Variants in XPR1 observed in about 807,000 individuals in gnomAD.
XPR1 encodes the protein solute carrier family 53 member 1.
A neutral mutation model predicts 87.5 loss-of-function variants in XPR1; 28 were observed. That is an observed-to-expected ratio of 0.32 (90% CI 0.24 to 0.44). XPR1 has a LOEUF of 0.44. Among genes scored for constraint, XPR1 ranks in the 20% least tolerant of loss-of-function variants. XPR1 has a pLI of 1.00. For synonymous variants in XPR1, 300 were observed against 306.1 expected (o/e 0.98, Z 0.21); for missense variants, 559 against 862.3 (o/e 0.65, Z 4.41).
chr1:180,686,199 C>T (rs996798626), intron 2 of XPR1, among the ~76,000 whole-genome samples: 8 of 151,996 alleles, frequency 5.3e-5, no homozygotes, highest in South Asian at 2.1e-4. Flanking sequence ...TTTGTTCTCG[C>T]TGGTTTCAAA....
rs376521406 is a variant in XPR1 at position 180,885,690 on chromosome 1, A to G, written c.*1624A>G. The G allele has an allele frequency of 2.2e-4, 34 of 152,224 alleles. No homozygotes were observed. Among genetic ancestry groups the G allele is most frequent in the Admixed American group, 1.0e-3 (16 of 15,288 alleles). 9.4% of individuals were successfully genotyped at this position (152,224 alleles called of 1,614,324 possible). A position where few individuals can be genotyped will look rare whatever the true frequency, so the allele number is the denominator to read the frequency against. ...GATTCATGAAAGTAAATTTAGTCCTATAATTTTCAGCTTAATTATAAACAA... is the reference window on the plus strand; with the variant it reads ...GATTCATGAAAGTAAATTTAGTCCTGTAATTTTCAGCTTAATTATAAACAA... On this transcript the variant is annotated 3_prime_UTR_variant, in exon 15 of 15. Transcript: ENST00000367590.
chr1:180,842,733 GTTCT>G (rs1329491371), intron 11 of XPR1, among the ~76,000 whole-genome samples: 6 of 152,030 alleles, frequency 3.9e-5, no homozygotes, highest in Admixed American at 3.3e-4. Context: ...CCATTATGTT[GTTCT>G]TTCTAAGTGG....
At chr1:180,770,451 C>T (rs185384153) in intron 2 of XPR1, among the ~76,000 whole-genome samples, 5 of 152,110 alleles carry the variant, frequency 3.3e-5, no homozygotes, top group African/African-American at 1.2e-4. Flanking sequence ...TCTATCCCCA[C>T]GGCCTCATCC....
intron 2 of XPR1, among the ~76,000 whole-genome samples, chr1:180,746,229 G>A (rs1237126923): frequency 6.6e-6 from 1 of 152,058 alleles, no homozygotes; most frequent in Admixed American, 6.6e-5. Flanking sequence ...CCTGAGTAGT[G>A]TGCATTTTAC....
At chr1:180,846,792 T>C (rs757859209) in intron 11 of XPR1, among the ~76,000 whole-genome samples, 5 of 151,926 alleles carry the variant, frequency 3.3e-5, no homozygotes, top group African/African-American at 4.8e-5. Context: ...AGATACGGTT[T>C]TCATGAAAAT....
rs566714513 is a variant in XPR1 at position 180,696,796 on chromosome 1, T to C, written c.121+14385T>C. 4.4e-4 allele frequency among the ~76,000 whole-genome samples: 67 copies of C among 152,306 alleles called. 2 individuals are homozygous for C. In the South Asian group the frequency reaches 0.013, roughly 30 times the overall value. On this transcript the variant is annotated intron_variant, in intron 2 of 14. Transcript: ENST00000367590. ...GATGTGATATTTCACATTTATTGAT[T>C]TGTGTATGTTGAGCCATCCTTGCAT... is the stretch of plus-strand genomic sequence containing the variant.
Position 180,762,904 on chromosome 1 carries a change from T to C in XPR1, c.122-24849T>C, listed in dbSNP as rs1395385444. On this transcript the variant is annotated intron_variant, in intron 2 of 14. Coordinates refer to ENST00000367590, the MANE Select transcript of XPR1 (RefSeq NM_004736.4). ...GCATCTTTACACTTTTTTTAAAGAA[T>C]GAATTTCTTGCCAGTCTATTCTTAT... is the stretch of plus-strand genomic sequence containing the variant. 5.3e-5 allele frequency among the ~76,000 whole-genome samples: 8 copies of C among 152,164 alleles called. No homozygotes were observed. The East Asian group carries it at 1.5e-3, about 29-fold the overall frequency.
At chr1:180,694,297 A>G (rs1350978473) in intron 2 of XPR1, among the ~76,000 whole-genome samples, 1 of 152,128 alleles carries the variant, frequency 6.6e-6, no homozygotes, top group Non-Finnish European at 1.5e-5. Context: ...AAATATTATA[A>G]TGTTCTTCAA....
chr1:180,735,347 A>C (rs1571780612), intron 2 of XPR1, among the ~76,000 whole-genome samples: 1 of 152,348 alleles, frequency 6.6e-6, no homozygotes, highest in East Asian at 1.9e-4. Flanking sequence ...TAAATAATTA[A>C]TTCCATGAAA....
At position 180,680,357 on chromosome 1, in the gene XPR1, C is replaced by CTTTTTTTT. The variant is rs369905770; in HGVS notation, c.70-1985_70-1978dup. 1.0e-3 allele frequency among the ~76,000 whole-genome samples: 84 copies of CTTTTTTTT among 83,388 alleles called. 1 individual carries two copies. The highest frequency in any genetic ancestry group is 1.4e-3 in the Admixed American group (7 of 5,182). 54.7% of individuals were successfully genotyped at this position (83,388 alleles called of 152,430 possible). A position where few individuals can be genotyped will look rare whatever the true frequency, so the allele number is the denominator to read the frequency against. On this transcript the variant is annotated intron_variant, in intron 1 of 14. Transcript: ENST00000367590. ...TTCCTCAAATAACTACAAATAGAAC[C>CTTTTTTTT]TTTTTTTTTTTTTTTTTTTTTTTTT...
At chr1:180,757,984 A>G (rs1037532412) in intron 2 of XPR1, among the ~76,000 whole-genome samples, 3 of 151,034 alleles carry the variant, frequency 2.0e-5, no homozygotes, top group African/African-American at 7.3e-5. Context: ...AAGCCCAGCT[A>G]TTGGAGAAAC....
At chr1:180,803,762 C>T in intron 4 of XPR1, 151 bp downstream of exon 4, 1 of 663,040 alleles carries the variant, frequency 1.5e-6, no homozygotes, top group South Asian at 2.1e-5. Context: ...TGGCTAAAAA[C>T]CATGTGTCAG....
At chr1:180,825,933 C>T (rs1176428718) in intron 9 of XPR1, among the ~76,000 whole-genome samples, 2 of 152,138 alleles carry the variant, frequency 1.3e-5, no homozygotes, top group African/African-American at 4.8e-5. Flanking sequence ...GCCTGTAATC[C>T]TAGCTACTAG....
chr1:180,762,552 A>C (rs1288025190), intron 2 of XPR1, among the ~76,000 whole-genome samples: 1 of 152,184 alleles, frequency 6.6e-6, no homozygotes, highest in Non-Finnish European at 1.5e-5. Flanking sequence ...CTAAAAATTA[A>C]AGGGAACTGT....
chr1:180,881,524 T>C (rs907584060), intron 14 of XPR1, among the ~76,000 whole-genome samples: 1 of 152,150 alleles, frequency 6.6e-6, no homozygotes, highest in African/African-American at 2.4e-5. Context: ...CCTAGGAAGT[T>C]TTAATAGCAC....
intron 7 of XPR1, among the ~76,000 whole-genome samples, chr1:180,812,415 A>G (rs1259834717): frequency 6.6e-6 from 1 of 152,302 alleles, no homozygotes; most frequent in South Asian, 2.1e-4. Flanking sequence ...TGTCTAGTAG[A>G]TATCTCAAAC....
intron 11 of XPR1, among the ~76,000 whole-genome samples, chr1:180,853,121 A>G (rs1184223273): frequency 2.6e-5 from 4 of 152,138 alleles, no homozygotes; most frequent in African/African-American, 9.6e-5. Context: ...AGAGACGGGT[A>G]TTCGCCACGT....
intron 2 of XPR1, among the ~76,000 whole-genome samples, chr1:180,750,263 A>G (rs1375625849): frequency 6.6e-6 from 1 of 152,174 alleles, no homozygotes; most frequent in Non-Finnish European, 1.5e-5. Context: ...GAAAAGAAAG[A>G]GCAGCTTTAT....
intron 2 of XPR1, among the ~76,000 whole-genome samples, chr1:180,686,236 T>C (rs1329582921): frequency 7.2e-5 from 11 of 152,298 alleles, no homozygotes; most frequent in Non-Finnish European, 1.3e-4. Flanking sequence ...GCCTTCATTT[T>C]GTTATGTACC....
Sources: gnomAD v4.1 joint callset for allele counts (sites outside exome capture counted in the v4.1 genomes callset) on GRCh38, gnomAD v4.1.1 for gene constraint, MANE v1.5 for transcripts, NCBI Gene and HGNC (gene_info 2026-07-23, HGNC 2026-07-21) for gene names.